The following TDRD3 variants were observed in gnomAD, a reference collection of about 807,000 sequenced individuals.
The protein encoded by TDRD3 is tudor domain containing 3.
Under a neutral mutation model 86.7 loss-of-function variants are expected in TDRD3, and 45 were observed. That is an observed-to-expected ratio of 0.52 (90% CI 0.41 to 0.67). The LOEUF (loss-of-function observed/expected upper bound fraction) is 0.67. Ranked by LOEUF, TDRD3 falls within the 30% of genes least tolerant of loss-of-function variation. The probability of loss-of-function intolerance (pLI) is 0.00; values close to 1 mark genes in which losing one functional copy is unlikely to be tolerated. For missense variants in TDRD3, 814 were observed against 889.0 expected, an observed-to-expected ratio of 0.92 and a Z score of 1.07; for synonymous variants, 298 against 301.7, an observed-to-expected ratio of 0.99 and a Z score of 0.13.
intron 5 of TDRD3, among the ~76,000 whole-genome samples, chr13:60,477,215 G>GTTA (rs111532124): frequency 8.3e-6 from 1 of 121,006 alleles, no homozygotes; most frequent in African/African-American, 3.1e-5. Flanking sequence ...TATTATTATT[G>GTTA]TTATTATTAT....
At chr13:60,543,323 A>G (rs1957860425) in intron 12 of TDRD3, among the ~76,000 whole-genome samples, 1 of 152,200 alleles carries the variant, frequency 6.6e-6, no homozygotes, top group Admixed American at 6.5e-5. Context: ...TTCTGAGGAC[A>G]TTAGTTCCAC....
At chr13:60,424,546 A>T (rs1954750728) in intron 1 of TDRD3, among the ~76,000 whole-genome samples, 2 of 151,924 alleles carry the variant, frequency 1.3e-5, no homozygotes, top group African/African-American at 4.8e-5. Context: ...GCATAGTGGG[A>T]TGCTCCTGTA....
chr13:60,529,557 A>G (rs1042891767), intron 11 of TDRD3, among the ~76,000 whole-genome samples: 1 of 152,180 alleles, frequency 6.6e-6, no homozygotes, highest in African/African-American at 2.4e-5. Context: ...GTAAAATTAC[A>G]CTGATTCACA....
At chr13:60,444,057 A>G (rs562523496) in intron 2 of TDRD3, among the ~76,000 whole-genome samples, 19 of 151,950 alleles carry the variant, frequency 1.3e-4, no homozygotes, top group African/African-American at 4.3e-4. Flanking sequence ...TGTTTTTGTT[A>G]GTCCTTATAT....
Position 60,468,799 on chromosome 13 carries a change from T to C in TDRD3, c.495+1420T>C, listed in dbSNP as rs377754852. On this transcript the variant is annotated intron_variant, in intron 5 of 13. Transcript: ENST00000377881. Reference sequence around the variant, plus strand: ...TGTAATAGATGTTATAAAAAATACTTGTGGTATAAATGAATTACAAAGCAC... The same window carrying C: ...TGTAATAGATGTTATAAAAAATACTCGTGGTATAAATGAATTACAAAGCAC... 6.6e-5 allele frequency among the ~76,000 whole-genome samples: 10 copies of C among 152,288 alleles called. No homozygotes were observed. In the East Asian group the frequency reaches 1.3e-3, roughly 21 times the overall value.
chr13:60,459,884 G>A (rs1352999502), intron 3 of TDRD3, among the ~76,000 whole-genome samples: 1 of 152,122 alleles, frequency 6.6e-6, no homozygotes, highest in East Asian at 1.9e-4. Flanking sequence ...GCCTCCCAAA[G>A]TGCTGGGATT....
intron 7 of TDRD3, among the ~76,000 whole-genome samples, chr13:60,490,436 A>G (rs1956560993): frequency 1.3e-5 from 2 of 152,306 alleles, no homozygotes; most frequent in South Asian, 4.1e-4. Flanking sequence ...CAGAGAGAAC[A>G]GAGGGACAAG....
At chr13:60,410,008 G>A (rs940449359) in intron 1 of TDRD3, among the ~76,000 whole-genome samples, 4 of 152,118 alleles carry the variant, frequency 2.6e-5, no homozygotes, top group African/African-American at 9.7e-5. Flanking sequence ...TCTTTCCTGT[G>A]CTAGTCTCAT....
chr13:60,568,631 A>T (rs930395630), intron 13 of TDRD3, among the ~76,000 whole-genome samples: 5 of 152,198 alleles, frequency 3.3e-5, no homozygotes, highest in African/African-American at 1.2e-4. Flanking sequence ...AGCTAGACTC[A>T]TACTGAACAG....
chr13:60,466,680 C>T (rs774789059), intron 4 of TDRD3, among the ~76,000 whole-genome samples: 7 of 151,884 alleles, frequency 4.6e-5, no homozygotes, highest in South Asian at 2.1e-4. Context: ...CCCAGCTACT[C>T]GAAAGGCTGA....
chr13:60,455,101 C>T (rs940014912), intron 3 of TDRD3, among the ~76,000 whole-genome samples: 11 of 152,118 alleles, frequency 7.2e-5, no homozygotes, highest in Admixed American at 3.9e-4. Context: ...TTAGTAGAGA[C>T]GGGGTTTCAC....
chr13:60,453,486 C>CTTTAG (rs748076907), intron 3 of TDRD3, among the ~76,000 whole-genome samples: 1 of 152,162 alleles, frequency 6.6e-6, no homozygotes, highest in Non-Finnish European at 1.5e-5. Context: ...GCAACACTTT[C>CTTTAG]CTTTAATCAG....
intron 1 of TDRD3, among the ~76,000 whole-genome samples, chr13:60,410,904 G>T (rs1237357092): frequency 6.6e-6 from 1 of 152,124 alleles, no homozygotes; most frequent in Non-Finnish European, 1.5e-5. Context: ...TTCATCAAAA[G>T]TCTTTATAAA....
intron 12 of TDRD3, among the ~76,000 whole-genome samples, chr13:60,543,730 C>T (rs74451362): frequency 1.3e-5 from 2 of 152,150 alleles, no homozygotes; most frequent in East Asian, 3.9e-4. Context: ...CATTCCAAGC[C>T]TCTTCCTTTC....
chr13:60,530,710 G>A (rs916638783), intron 11 of TDRD3, among the ~76,000 whole-genome samples: 1 of 151,180 alleles, frequency 6.6e-6, no homozygotes, highest in African/African-American at 2.4e-5. Context: ...CCGCCTCGGC[G>A]TCCTAAAGTG....
intron 4 of TDRD3, among the ~76,000 whole-genome samples, chr13:60,466,629 A>G (rs1955938728): frequency 6.6e-6 from 1 of 152,036 alleles, no homozygotes; most frequent in Non-Finnish European, 1.5e-5. Context: ...CTCTCCTGAA[A>G]ATACAAAAAT....
intron 11 of TDRD3, among the ~76,000 whole-genome samples, chr13:60,534,205 T>G (rs1286476330): frequency 1.3e-5 from 2 of 152,070 alleles, no homozygotes; most frequent in African/African-American, 4.8e-5. Context: ...CCCAGCTACT[T>G]GGGAGGTTGC....
chr13:60,496,191 A>C (rs1279494981), intron 8 of TDRD3, among the ~76,000 whole-genome samples: 2 of 150,218 alleles, frequency 1.3e-5, no homozygotes, highest in Non-Finnish European at 3.0e-5. Context: ...ATCAGACTCC[A>C]AGTTCTTCAG....
rs536183011 is a variant in TDRD3 at position 60,570,590 on chromosome 13, T to C, written c.*9+2940T>C. Among the ~76,000 whole-genome samples the C allele has an allele frequency of 5.3e-5, 8 of 152,302 alleles. No homozygotes were observed. The East Asian group carries it at 1.5e-3, about 29-fold the overall frequency. On this transcript the variant is annotated intron_variant, in intron 13 of 13. Coordinates refer to ENST00000377881, the MANE Select transcript of TDRD3 (RefSeq NM_001146070.2). Reference sequence around the variant, plus strand: ...TCCAAAGGAAAGGAAATCAGGGTATTTTATTTCTTTTTAATTGCTTCAAAC... The same window carrying C: ...TCCAAAGGAAAGGAAATCAGGGTATCTTATTTCTTTTTAATTGCTTCAAAC...
Sources: gnomAD v4.1 joint callset for allele counts (sites outside exome capture counted in the v4.1 genomes callset) on GRCh38, gnomAD v4.1.1 for gene constraint, MANE v1.5 for transcripts, NCBI Gene and HGNC (gene_info 2026-07-23, HGNC 2026-07-21) for gene names.